Variants in NAV2 observed in about 807,000 individuals in gnomAD.
NAV2 encodes helicase, APC down-regulated 1.
In NAV2, 54 loss-of-function variants were observed where a neutral mutation model predicts 223.2. That is an observed-to-expected ratio of 0.24 (90% CI 0.19 to 0.30). The LOEUF (loss-of-function observed/expected upper bound fraction) is 0.30. NAV2 is among the 10% of genes least tolerant of loss of function. NAV2 has a pLI of 1.00. For missense variants in NAV2, 2,806 were observed against 3,147.5 expected, an observed-to-expected ratio of 0.89 and a Z score of 2.60; for synonymous variants, 1,279 against 1,239.3, an observed-to-expected ratio of 1.03 and a Z score of -0.67.
At chr11:19,648,511 T>C (rs2047879085) in intron 1 of NAV2, among the ~76,000 whole-genome samples, 1 of 152,186 alleles carries the variant, frequency 6.6e-6, no homozygotes, top group African/African-American at 2.4e-5. Flanking sequence ...TGGGGCCCAG[T>C]AGCTAAGAGG....
intron 1 of NAV2, among the ~76,000 whole-genome samples, chr11:19,617,524 C>G (rs1407012841): frequency 6.6e-6 from 1 of 152,190 alleles, no homozygotes; most frequent in Admixed American, 6.5e-5. Flanking sequence ...GACTTCCACT[C>G]TCATGGAGAG....
intron 1 of NAV2, chr11:19,777,711 T>C: frequency 2.5e-6 from 1 of 399,936 alleles, no homozygotes; most frequent in East Asian, 7.3e-5. Flanking sequence ...GGAAAGTCGA[T>C]GTGTGTATGT....
intron 36 of NAV2, among the ~76,000 whole-genome samples, chr11:20,112,123 C>T (rs1427450411): frequency 6.6e-6 from 1 of 152,196 alleles, no homozygotes; most frequent in Non-Finnish European, 1.5e-5. Context: ...AGAAACTTCT[C>T]AAAATTGCAC....
At chr11:19,597,925 C>A (rs2046247567) in intron 1 of NAV2, among the ~76,000 whole-genome samples, 1 of 152,222 alleles carries the variant, frequency 6.6e-6, no homozygotes, top group African/African-American at 2.4e-5. Flanking sequence ...GAGCTAAGGA[C>A]AGGGATGGGG....
At chr11:19,621,038 A>G (rs4351795) in intron 1 of NAV2, among the ~76,000 whole-genome samples, 145,508 of 152,062 alleles carry the variant, frequency 0.96, 69,778 homozygotes, top group Non-Finnish European at 1. Context: ...TTTGTCTTTG[A>G]TTCTGTTTAT....
intron 6 of NAV2, among the ~76,000 whole-genome samples, chr11:19,925,488 C>T (rs185207462): frequency 2.6e-5 from 4 of 152,298 alleles, no homozygotes; most frequent in Admixed American, 6.5e-5. Context: ...TGGTGGCTTA[C>T]GCCTGTAATC....
At chr11:19,945,683 G>C (rs1197941078) in intron 8 of NAV2, among the ~76,000 whole-genome samples, 3 of 152,192 alleles carry the variant, frequency 2.0e-5, no homozygotes, top group African/African-American at 7.2e-5. Context: ...TAGAGCACCA[G>C]CTGGCTTGTG....
chr11:19,488,246 G>A (rs554067916), intron 1 of NAV2, among the ~76,000 whole-genome samples: 3 of 152,184 alleles, frequency 2.0e-5, no homozygotes, highest in South Asian at 2.1e-4. Flanking sequence ...TTTTGTATCC[G>A]TTGATTGAAA....
At chr11:19,774,467 G>A (rs1487714763) in intron 1 of NAV2, among the ~76,000 whole-genome samples, 5 of 152,162 alleles carry the variant, frequency 3.3e-5, no homozygotes, top group Admixed American at 6.5e-5. Context: ...GTGAGCTACC[G>A]CGCTCAGCCA....
chr11:19,556,508 C>G (rs10766568), intron 1 of NAV2, among the ~76,000 whole-genome samples: 46,770 of 152,078 alleles, frequency 0.31, 7,721 homozygotes, highest in East Asian at 0.48. Context: ...CCACAGACAC[C>G]TTTGGCAGCT....
At chr11:19,654,249 A>G (rs2048053257) in intron 1 of NAV2, among the ~76,000 whole-genome samples, 1 of 152,228 alleles carries the variant, frequency 6.6e-6, no homozygotes, top group Admixed American at 6.5e-5. Context: ...AGAGGATACA[A>G]ACAAATGGAA....
chr11:19,360,591 C>T (rs1853878059), intron 1 of NAV2, among the ~76,000 whole-genome samples: 1 of 152,202 alleles, frequency 6.6e-6, no homozygotes, highest in Non-Finnish European at 1.5e-5. Context: ...GTCCCTGGGC[C>T]AGTCAATTAT....
At chr11:19,750,331 CCTT>C (rs1324477769) in intron 1 of NAV2, among the ~76,000 whole-genome samples, 11 of 152,196 alleles carry the variant, frequency 7.2e-5, no homozygotes. Flanking sequence ...CAGTCCCAAA[CCTT>C]CTCACTTATA....
chr11:19,469,990 C>G (rs2041912405), intron 1 of NAV2, among the ~76,000 whole-genome samples: 1 of 152,226 alleles, frequency 6.6e-6, no homozygotes, highest in African/African-American at 2.4e-5. Flanking sequence ...TTGACTGTGG[C>G]CACAGGCCAT....
intron 1 of NAV2, among the ~76,000 whole-genome samples, chr11:19,458,262 G>A (rs933527181): frequency 5.3e-5 from 8 of 152,220 alleles, no homozygotes; most frequent in African/African-American, 1.9e-4. Flanking sequence ...GCAGGGAGTA[G>A]GCAGTGCTTG....
At chr11:20,078,172 T>G in intron 24 of NAV2, 68 bp downstream of exon 24, 1 of 1,083,520 alleles carries the variant, frequency 9.2e-7, no homozygotes, top group Non-Finnish European at 1.4e-6. Flanking sequence ...CCTGACATCA[T>G]ATGATGCAAC....
In NAV2 at chr11:20,092,275, C is replaced by T. The variant is rs770481899; in HGVS notation, c.5722C>T (p.Arg1908Trp). 3.3e-5 allele frequency: 54 copies of T among 1,613,944 alleles called. 1 individual carries two copies. Among genetic ancestry groups the T allele is most frequent in the Non-Finnish European group, 4.3e-5 (51 of 1,179,976 alleles). ...AGAGTCTCAAGGCAGTGGCTGCAGC[C>T]GGGCTCCTTCCCAAGTGTCCATCTC... ...KSESQGSGCS[R>W]APSQVSISAS... is the part of the protein sequence containing the mutation. The change falls in exon 28 of 38, where the codon CGG (arginine) becomes TGG (tryptophan). Residue 1908 changes from arginine (R) to tryptophan (W), a missense_variant. Around this residue, in one of 4 missense-constraint regions of NAV2, gnomAD observed 824 missense variants for 1,069.4 expected, o/e 0.77. Coordinates refer to ENST00000349880, the MANE Select transcript of NAV2 (RefSeq NM_145117.5).
At chr11:19,947,293 G>A (rs915987424) in intron 9 of NAV2, among the ~76,000 whole-genome samples, 3 of 152,166 alleles carry the variant, frequency 2.0e-5, no homozygotes, top group African/African-American at 7.2e-5. Context: ...CCAAAACAAG[G>A]GGTCCAATCT....
At chr11:19,601,725 C>T (rs770715927) in intron 1 of NAV2, among the ~76,000 whole-genome samples, 26 of 152,096 alleles carry the variant, frequency 1.7e-4, no homozygotes, top group Non-Finnish European at 2.6e-4. Flanking sequence ...TCTTCTCTCT[C>T]CATGCGATGG....
Sources: allele counts gnomAD v4.1 joint callset (sites outside exome capture counted in the v4.1 genomes callset), GRCh38; gene constraint gnomAD v4.1.1; regional missense constraint gnomAD v4.1.1; transcripts MANE v1.5; gene names NCBI Gene and HGNC (gene_info 2026-07-23, HGNC 2026-07-21).